Variants in HSD17B13 observed in about 807,000 individuals in gnomAD.
The protein encoded by HSD17B13 is 17-beta-hydroxysteroid dehydrogenase 13.
HSD17B13 carries 26 observed loss-of-function variants against 31.1 expected under a neutral mutation model. The ratio of observed to expected loss-of-function variants is 0.84; its 90% CI spans 0.61 to 1.16. The LOEUF is 1.16. Among genes scored for constraint, HSD17B13 ranks in the 50% most tolerant of loss-of-function variants. HSD17B13 has a pLI of 0.00. For missense variants in HSD17B13, 374 were observed against 366.5 expected (o/e 1.02, Z -0.17); for synonymous variants, 141 against 133.7 (o/e 1.05, Z -0.38).
rs750439655 is a variant in HSD17B13, at chr4:87,313,829, C to G, written c.689G>C (p.Ser230Thr). 2 of 1,610,826 alleles carry G rather than the reference C, an allele frequency of 1.2e-6. No homozygotes were observed. Among genetic ancestry groups the G allele is most frequent in the Admixed American group, 3.4e-5 (2 of 59,562 alleles). Residue 230 changes from serine (S) to threonine (T), a missense_variant, in exon 5 of 7, where the codon AGC becomes ACC. Transcript: ENST00000328546. ...FVNTGFTKNP[S>T]TRLWPVLETD... ...AACTTGATTTTGACCTTACCTTGTG[C>G]TTGGATTTTTGGTGAACCCAGTATT... is the stretch of plus-strand genomic sequence containing the variant.
chr4:87,321,740 T>C (rs1734792371), intron 1 of HSD17B13, among the ~76,000 whole-genome samples: 1 of 152,194 alleles, frequency 6.6e-6, no homozygotes, highest in Admixed American at 6.5e-5. Context: ...ATTAGTTCTC[T>C]AAGTGTAAGA....
At chr4:87,313,675 C>T in intron 5 of HSD17B13, 148 bp downstream of exon 5, 1 of 636,958 alleles carries the variant, frequency 1.6e-6, no homozygotes, top group Non-Finnish European at 2.5e-6. Context: ...CCCTTTATTC[C>T]TTTAATTTCA....
intron 2 of HSD17B13, among the ~76,000 whole-genome samples, chr4:87,317,540 T>C (rs1314648493): frequency 6.6e-6 from 1 of 151,284 alleles, no homozygotes; most frequent in South Asian, 2.1e-4. Flanking sequence ...TGTTCATTTT[T>C]TAAAAATGTG....
At chr4:87,313,731 C>G in intron 5 of HSD17B13, 92 bp downstream of exon 5, 1 of 993,354 alleles carries the variant, frequency 1.0e-6, no homozygotes, top group Non-Finnish European at 1.5e-6. Flanking sequence ...TCTTCATTTT[C>G]TTCTATTAGT....
At chr4:87,321,192 G>C (rs1046732063) in intron 1 of HSD17B13, among the ~76,000 whole-genome samples, 1 of 152,030 alleles carries the variant, frequency 6.6e-6, no homozygotes, top group Non-Finnish European at 1.5e-5. Flanking sequence ...CCCGCACCCA[G>C]CTAATTTTTG....
intron 6 of HSD17B13, among the ~76,000 whole-genome samples, chr4:87,306,262 G>A (rs1734386492): frequency 6.6e-6 from 1 of 152,062 alleles, no homozygotes; most frequent in Non-Finnish European, 1.5e-5. Flanking sequence ...AAAACTGAAG[G>A]TCTGAGCTCA....
At chr4:87,321,661 C>T (rs113890181) in intron 1 of HSD17B13, among the ~76,000 whole-genome samples, 2 of 152,176 alleles carry the variant, frequency 1.3e-5, no homozygotes, top group Non-Finnish European at 2.9e-5. Context: ...ATGCTCATAT[C>T]TGTTAAATAA....
intron 1 of HSD17B13, among the ~76,000 whole-genome samples, chr4:87,318,733 A>C (rs1395934337): frequency 2.7e-5 from 4 of 147,428 alleles, no homozygotes; most frequent in Non-Finnish European, 1.5e-5. Flanking sequence ...GGGAGGAGGA[A>C]GTTGCAGTGA....
chr4:87,307,083 G>A (rs1734407290), intron 6 of HSD17B13, among the ~76,000 whole-genome samples: 1 of 151,996 alleles, frequency 6.6e-6, no homozygotes, highest in Admixed American at 6.6e-5. Flanking sequence ...GAGCAAAGGG[G>A]CAGGGAAGAT....
intron 2 of HSD17B13, 65 bp from the exon 3 acceptor site, chr4:87,317,288 A>G: frequency 6.6e-7 from 1 of 1,515,778 alleles, no homozygotes; most frequent in Non-Finnish European, 9.1e-7. Flanking sequence ...TGGGACCAAT[A>G]TAATCCAAAG....
intron 5 of HSD17B13, among the ~76,000 whole-genome samples, chr4:87,311,657 T>C (rs1033781605): frequency 1.2e-4 from 19 of 152,136 alleles, no homozygotes; most frequent in African/African-American, 4.1e-4. Context: ...GGATTTAAAA[T>C]GTTGTATTCA....
chr4:87,309,662 C>T (rs553624290), intron 6 of HSD17B13, among the ~76,000 whole-genome samples: 1 of 152,266 alleles, frequency 6.6e-6, no homozygotes, highest in South Asian at 2.1e-4. Flanking sequence ...AACTACTTCA[C>T]TATATTGCAT....
Position 87,314,622 on chromosome 4 carries a change from T to TTCTC in HSD17B13, c.558-666_558-663dup, listed in dbSNP as rs551629239. ...CAACTTTTAGTCAGGTAGAGTCGTT[T>TTCTC]TCTCTCTCTCTCTCTCTCTCACACA... On this transcript the variant is annotated intron_variant, in intron 4 of 6. Transcript: ENST00000328546. 3.6e-3 allele frequency among the ~76,000 whole-genome samples: 519 copies of TTCTC among 143,076 alleles called. 2 individuals carry two copies. Among genetic ancestry groups the TTCTC allele is most frequent in the African/African-American group, 0.013 (448 of 35,596 alleles). The allele number at this position is 143,076 out of a possible 152,430, so 93.9% of individuals were successfully genotyped here.
intron 4 of HSD17B13, among the ~76,000 whole-genome samples, chr4:87,314,641 T>TCTCTCTCTCACACA (rs373166006): frequency 7.0e-6 from 1 of 142,140 alleles, no homozygotes; most frequent in African/African-American, 2.5e-5. Flanking sequence ...TCTCTCTCTC[T>TCTCTCTCTCACACA]CACACACACA....
intron 6 of HSD17B13, among the ~76,000 whole-genome samples, chr4:87,305,971 T>A (rs1734381383): frequency 1.3e-5 from 2 of 152,130 alleles, no homozygotes; most frequent in Non-Finnish European, 2.9e-5. Context: ...TCATTTCATG[T>A]CAAAAAGAGA....
At chr4:87,306,005 A>G (rs1217758126) in intron 6 of HSD17B13, among the ~76,000 whole-genome samples, 1 of 152,172 alleles carries the variant, frequency 6.6e-6, no homozygotes, top group Non-Finnish European at 1.5e-5. Flanking sequence ...CTCATGATTT[A>G]TGTTTTACTG....
intron 6 of HSD17B13, among the ~76,000 whole-genome samples, chr4:87,307,789 C>T (rs1446887339): frequency 3.9e-5 from 6 of 152,110 alleles, no homozygotes; most frequent in Non-Finnish European, 1.5e-5. Flanking sequence ...GCGTGAGACA[C>T]CACACCCGGC....
At chr4:87,310,462 A>G (rs1398934723) in intron 5 of HSD17B13, 103 bp from the exon 6 acceptor site, 1 of 1,196,416 alleles carries the variant, frequency 8.4e-7, no homozygotes, top group Non-Finnish European at 1.1e-6. Context: ...TAAATTTAGA[A>G]TGAAGATTTA....
rs757620391 is a variant in HSD17B13, at chr4:87,317,188, C to T, written c.354G>A (p.Val118=). The change falls in exon 3 of 7, where the codon GTG becomes GTA. Residue 118 remains valine (V), a synonymous_variant. Coordinates refer to ENST00000328546, the MANE Select transcript of HSD17B13 (RefSeq NM_178135.5). ...CTGGATATACTGTCCCAGCATTATT[C>T]ACCACGATTGTTACATCACCCACTT... The part of the protein sequence containing the change: ...KKEVGDVTIV[V]NNAGTVYPAD... The T allele has an allele frequency of 4.3e-6, 7 of 1,613,934 alleles. No homozygotes were observed. The Admixed American group carries it at 6.7e-5, about 15-fold the overall frequency.
Sources: allele counts gnomAD v4.1 joint callset (sites outside exome capture counted in the v4.1 genomes callset), GRCh38; gene constraint gnomAD v4.1.1; transcripts MANE v1.5; gene names NCBI Gene and HGNC (gene_info 2026-07-23, HGNC 2026-07-21).